PSMA1: variants seen among roughly 807,000 people sequenced by gnomAD.
PSMA1 encodes proteasome 20S subunit alpha 1.
PSMA1 carries 3 observed loss-of-function variants against 38.4 expected under a neutral mutation model. The observed-to-expected ratio is 0.08, with a 90% confidence interval of 0.04 to 0.20. PSMA1 has a LOEUF of 0.20. Among genes scored for constraint, PSMA1 ranks in the 10% least tolerant of loss-of-function variants. PSMA1 has a pLI of 1.00. For missense variants in PSMA1, 227 were observed against 325.3 expected, an observed-to-expected ratio of 0.70 and a Z score of 2.32; for synonymous variants, 101 against 107.1, an observed-to-expected ratio of 0.94 and a Z score of 0.35.
chr11:14,631,018 T>G (rs1265144367), intron 1 of PSMA1, among the ~76,000 whole-genome samples: 3 of 152,214 alleles, frequency 2.0e-5, no homozygotes, highest in Non-Finnish European at 2.9e-5. Context: ...GATATCCCCT[T>G]TATCATTTTT....
chr11:14,583,028 G>A (rs924370651), intron 2 of PSMA1, among the ~76,000 whole-genome samples: 8 of 152,144 alleles, frequency 5.3e-5, no homozygotes, highest in African/African-American at 1.4e-4. Flanking sequence ...CTGCGCTCAC[G>A]TAATTCGGTG....
chr11:14,634,119 G>C (rs1022968141), intron 1 of PSMA1, among the ~76,000 whole-genome samples: 1 of 152,182 alleles, frequency 6.6e-6, no homozygotes, highest in Admixed American at 6.5e-5. Flanking sequence ...CACACTGAGA[G>C]CTGTAGACCC....
At chr11:14,558,048 T>G (rs1184793690) in intron 2 of PSMA1, among the ~76,000 whole-genome samples, 1 of 152,016 alleles carries the variant, frequency 6.6e-6, no homozygotes, top group Non-Finnish European at 1.5e-5. Flanking sequence ...AGAGAAATGG[T>G]GCCGATAGTC....
At chr11:14,641,826 A>C (rs1474660521) in intron 1 of PSMA1, among the ~76,000 whole-genome samples, 1 of 152,254 alleles carries the variant, frequency 6.6e-6, no homozygotes, top group East Asian at 1.9e-4. Context: ...GCAACCTGAA[A>C]GGTGAGTCTT....
chr11:14,534,206 A>G lies in PSMA1; in HGVS notation c.22-15165T>C, dbSNP rs913775958. Reference sequence around the variant, plus strand: ...CAAAAATACATACATACATACATACATAAATAAAATAAAATAAAAATTAAT... The same window carrying G: ...CAAAAATACATACATACATACATACGTAAATAAAATAAAATAAAAATTAAT... On this transcript the variant is annotated intron_variant, in intron 2 of 10. Transcript: ENST00000418988. This position sits in a 1 kb window ranked among gnomAD's most constrained non-coding sequence, Gnocchi z 4.5. Among the ~76,000 whole-genome samples, 1 of 152,190 alleles carries G rather than the reference A, an allele frequency of 6.6e-6. No homozygotes were observed. Among genetic ancestry groups the G allele is most frequent in the African/African-American group, 2.4e-5 (1 of 41,450 alleles).
intron 1 of PSMA1, among the ~76,000 whole-genome samples, chr11:14,621,541 G>T (rs938851340): frequency 6.6e-6 from 1 of 152,112 alleles, no homozygotes; most frequent in Non-Finnish European, 1.5e-5. Flanking sequence ...AAAGAGCTGG[G>T]ATTACAGGCA....
At position 14,550,257 on chromosome 11, in the gene PSMA1, C is replaced by T. The variant is rs936495863; in HGVS notation, c.22-31216G>A. ...TTCATGTATTTCATAAACATTAATA[C>T]GTTTCAAAAATACTGAAGGAAATCA... On this transcript the variant is annotated intron_variant, in intron 2 of 10. Coordinates refer to the PSMA1 transcript ENST00000418988. Among the ~76,000 whole-genome samples the T allele has an allele frequency of 3.9e-5, 6 of 152,096 alleles. No homozygotes were observed. The East Asian group carries it at 9.6e-4, about 24-fold the overall frequency.
chr11:14,621,877 A>G (rs1852848312), intron 1 of PSMA1, among the ~76,000 whole-genome samples: 1 of 152,176 alleles, frequency 6.6e-6, no homozygotes, highest in South Asian at 2.1e-4. Context: ...AATACAATTG[A>G]TAAGATTTAC....
At chr11:14,552,820 C>CTTTTTTT (rs34932699) in intron 2 of PSMA1, among the ~76,000 whole-genome samples, 1 of 122,028 alleles carries the variant, frequency 8.2e-6, no homozygotes, top group Non-Finnish European at 1.7e-5. Flanking sequence ...GCTTATATAA[C>CTTTTTTT]TTTTTTTTTT....
chr11:14,577,325 C>T (rs186868959), intron 2 of PSMA1, among the ~76,000 whole-genome samples: 17 of 152,232 alleles, frequency 1.1e-4, no homozygotes, highest in East Asian at 7.7e-4. Flanking sequence ...CTCATGGTTG[C>T]GCTGCCATTA....
intron 1 of PSMA1, among the ~76,000 whole-genome samples, chr11:14,633,207 G>A (rs1853055566): frequency 6.6e-6 from 1 of 151,486 alleles, no homozygotes; most frequent in African/African-American, 2.4e-5. Flanking sequence ...GAGGAGGAGA[G>A]GCGCTCTGCT....
At chr11:14,550,250 A>G (rs1191186880) in intron 2 of PSMA1, among the ~76,000 whole-genome samples, 1 of 152,240 alleles carries the variant, frequency 6.6e-6, no homozygotes, top group Non-Finnish European at 1.5e-5. Flanking sequence ...TTTCATAAAC[A>G]TTAATACGTT....
At chr11:14,628,446 T>A (rs1251483624) in intron 1 of PSMA1, among the ~76,000 whole-genome samples, 2 of 150,398 alleles carry the variant, frequency 1.3e-5, no homozygotes, top group Non-Finnish European at 3.0e-5. Flanking sequence ...GATAGTTTAC[T>A]GAGGATGATG....
intron 1 of PSMA1, among the ~76,000 whole-genome samples, chr11:14,616,094 A>G (rs1463687407): frequency 6.6e-6 from 1 of 152,198 alleles, no homozygotes; most frequent in African/African-American, 2.4e-5. Flanking sequence ...GGCATCTGGC[A>G]CCTACTGATA....
chr11:14,583,568 A>C (rs528582395), intron 2 of PSMA1, among the ~76,000 whole-genome samples: 1 of 152,322 alleles, frequency 6.6e-6, no homozygotes, highest in East Asian at 1.9e-4. Flanking sequence ...ACATACTGTG[A>C]CTTATCAGGG....
At chr11:14,571,855 G>A (rs1852145785) in intron 2 of PSMA1, among the ~76,000 whole-genome samples, 1 of 152,106 alleles carries the variant, frequency 6.6e-6, no homozygotes, top group Non-Finnish European at 1.5e-5. Context: ...AAAAAGCAGG[G>A]TTGCAAGTCT....
At chr11:14,640,877 G>T (rs1853190393) in intron 1 of PSMA1, among the ~76,000 whole-genome samples, 1 of 152,100 alleles carries the variant, frequency 6.6e-6, no homozygotes, top group African/African-American at 2.4e-5. Flanking sequence ...GAGTTTCTTT[G>T]ATATTTAAAA....
chr11:14,611,601 C>T (rs1469788700), intron 1 of PSMA1, among the ~76,000 whole-genome samples: 6 of 152,162 alleles, frequency 3.9e-5, no homozygotes, highest in Non-Finnish European at 8.8e-5. Flanking sequence ...ATGAATACAG[C>T]CTGTCTCCGA....
intron 2 of PSMA1, among the ~76,000 whole-genome samples, chr11:14,562,324 C>A (rs935879179): frequency 1.2e-4 from 19 of 152,072 alleles, no homozygotes; most frequent in African/African-American, 4.3e-4. Flanking sequence ...AGCTTTTTTT[C>A]CCCCTTGTAC....
Sources: allele counts gnomAD v4.1 joint callset (sites outside exome capture counted in the v4.1 genomes callset), GRCh38; gene constraint gnomAD v4.1.1; non-coding constraint Gnocchi (gnomAD v3.1); transcripts MANE v1.5; gene names NCBI Gene and HGNC (gene_info 2026-07-23, HGNC 2026-07-21).